The following PHEX variants were observed in gnomAD, a reference collection of about 807,000 sequenced individuals.
PHEX encodes phosphate-regulating neutral endopeptidase PHEX.
In PHEX, 16 loss-of-function variants were observed where a neutral mutation model predicts 68.0. The ratio of observed to expected loss-of-function variants is 0.24; its 90% CI spans 0.16 to 0.36. PHEX has a LOEUF of 0.36. PHEX is among the 10% of genes least tolerant of loss of function. PHEX has a pLI of 1.00. For synonymous variants in PHEX, 208 were observed against 205.1 expected (o/e 1.01, Z -0.12); for missense variants, 480 against 575.5 (o/e 0.83, Z 1.70).
intron 15 of PHEX, among the ~76,000 whole-genome samples, chrX:22,196,278 G>A (rs953270982): frequency 5.3e-5 from 6 of 112,485 alleles, no homozygotes; most frequent in South Asian, 3.7e-4. Flanking sequence ...TTGGAACAGC[G>A]TATAGTATGC....
chrX:22,084,635 G>A (rs1229834682), intron 5 of PHEX, among the ~76,000 whole-genome samples: 1 of 107,322 alleles, frequency 9.3e-6, no homozygotes, highest in Non-Finnish European at 1.9e-5. Flanking sequence ...CAAGTCCTGG[G>A]CTTTTCTTTG....
At position 22,245,328 on chromosome X, in the gene PHEX, T is replaced by C; in HGVS notation, c.2071-5T>C. On this transcript the variant is annotated splice_region_variant and splice_polypyrimidine_tract_variant and intron_variant, in intron 20 of 21. Transcript: ENST00000379374. ...CTCATTTGTTGGGATGCTTTTCTCT[T>C]CTAGGTGAGGTGCAATTCCTACAGA... is the stretch of plus-strand genomic sequence containing the variant. 8.3e-7 allele frequency: 1 copy of C among 1,198,413 alleles called. No individual in the cohort carries two copies.
intron 11 of PHEX, among the ~76,000 whole-genome samples, chrX:22,128,359 G>T (rs1009434022): frequency 3.6e-5 from 4 of 110,645 alleles, no homozygotes; most frequent in African/African-American, 1.3e-4. Flanking sequence ...CACTGCACCC[G>T]CCCTGAAAAC....
At chrX:22,180,289 T>A (rs1379611740) in intron 14 of PHEX, among the ~76,000 whole-genome samples, 1 of 111,118 alleles carries the variant, frequency 9.0e-6, no homozygotes, top group Admixed American at 9.6e-5. Context: ...CAGTTCTCAG[T>A]CCACCTTCAA....
At chrX:22,210,753 G>A (rs925726977) in intron 15 of PHEX, among the ~76,000 whole-genome samples, 1 of 111,264 alleles carries the variant, frequency 9.0e-6, no homozygotes, top group South Asian at 3.8e-4. Flanking sequence ...ATGTGAAACT[G>A]ACAGAGAACT....
intron 1 of PHEX, among the ~76,000 whole-genome samples, chrX:22,035,798 C>T (rs1035305930): frequency 2.7e-5 from 3 of 110,124 alleles, no homozygotes; most frequent in Non-Finnish European, 5.7e-5. Flanking sequence ...TTTTTTAAAG[C>T]TCCTAACCAT....
chrX:22,180,754 C>A (rs1251683921), intron 14 of PHEX, among the ~76,000 whole-genome samples: 1 of 110,443 alleles, frequency 9.1e-6, no homozygotes, highest in East Asian at 2.8e-4. Flanking sequence ...TACCCATTAA[C>A]CATCCCCTCG....
At chrX:22,050,415 C>CA (rs1348082036) in intron 3 of PHEX, among the ~76,000 whole-genome samples, 10 of 109,201 alleles carry the variant, frequency 9.2e-5, no homozygotes, top group South Asian at 3.9e-4. Flanking sequence ...TCGTCTCTAC[C>CA]AAAAATACAA....
intron 17 of PHEX, among the ~76,000 whole-genome samples, chrX:22,219,939 A>ATACTT (rs1027554457): frequency 8.9e-6 from 1 of 112,138 alleles, no homozygotes; most frequent in Non-Finnish European, 1.9e-5. Flanking sequence ...TTTAAAGTCT[A>ATACTT]TACTTTCCTG....
At chrX:22,135,740 C>T (rs1932199882) in intron 12 of PHEX, among the ~76,000 whole-genome samples, 1 of 111,674 alleles carries the variant, frequency 9.0e-6, no homozygotes, top group Non-Finnish European at 1.9e-5. Context: ...GTTTGCCTCC[C>T]GAGTTGCTCT....
intron 12 of PHEX, among the ~76,000 whole-genome samples, chrX:22,142,240 A>C (rs1397234571): frequency 8.9e-6 from 1 of 112,162 alleles, no homozygotes; most frequent in African/African-American, 3.2e-5. Context: ...CGACAGAGTG[A>C]GATTCTATCT....
intron 5 of PHEX, among the ~76,000 whole-genome samples, chrX:22,087,232 A>C (rs922693122): frequency 5.3e-5 from 6 of 112,368 alleles, no homozygotes; most frequent in Admixed American, 1.9e-4. Context: ...CAAGCTCAAA[A>C]GATTCTTCAA....
At chrX:22,226,710 G>C (rs1365514339) in intron 19 of PHEX, among the ~76,000 whole-genome samples, 1 of 111,477 alleles carries the variant, frequency 9.0e-6, no homozygotes, top group Admixed American at 9.6e-5. Context: ...GGGGTGTGAA[G>C]TCACCCTAAA....
intron 9 of PHEX, among the ~76,000 whole-genome samples, chrX:22,107,929 T>C (rs1426338446): frequency 8.9e-6 from 1 of 112,060 alleles, no homozygotes; most frequent in Admixed American, 9.5e-5. Flanking sequence ...GTACTGACAG[T>C]GTGTCCCTTC....
At chrX:22,040,083 C>T (rs1036368334) in intron 2 of PHEX, among the ~76,000 whole-genome samples, 2 of 111,679 alleles carry the variant, frequency 1.8e-5, no homozygotes, top group African/African-American at 6.5e-5. Context: ...GATTTCCCTC[C>T]TAAATCAGTG....
At position 22,101,632 on chromosome X, in the gene PHEX, A is replaced by C. The variant is rs376150333; in HGVS notation, c.1079+2481A>C. Among the ~76,000 whole-genome samples, 70 of 111,326 alleles carry C rather than the reference A, an allele frequency of 6.3e-4. No homozygotes were observed. The East Asian group carries it at 0.018, about 28-fold the overall frequency. On this transcript the variant is annotated intron_variant, in intron 9 of 21. Transcript: ENST00000379374. ...CCCTTGGATGTTTGGCATCCTCTCTATTCAGCTGGAGGATGGAGAAACAGA... is the reference window on the plus strand; with the variant it reads ...CCCTTGGATGTTTGGCATCCTCTCTCTTCAGCTGGAGGATGGAGAAACAGA...
intron 15 of PHEX, among the ~76,000 whole-genome samples, chrX:22,205,639 AAATT>A (rs10544895): frequency 0.12 from 12,506 of 107,320 alleles, 779 homozygotes; most frequent in African/African-American, 0.23. Context: ...TCAATATTAA[AAATT>A]AATATTAAAT....
intron 16 of PHEX, among the ~76,000 whole-genome samples, chrX:22,217,627 C>T (rs913590110): frequency 1.8e-5 from 2 of 111,963 alleles, no homozygotes; most frequent in African/African-American, 6.5e-5. Context: ...AGAATCTTCA[C>T]AATAAGGATT....
At chrX:22,142,059 T>C (rs1038570274) in intron 12 of PHEX, among the ~76,000 whole-genome samples, 3 of 111,699 alleles carry the variant, frequency 2.7e-5, no homozygotes, top group Non-Finnish European at 5.6e-5. Flanking sequence ...GAGACCAGCC[T>C]GGCCAACATG....
Sources: gnomAD v4.1 joint callset for allele counts (sites outside exome capture counted in the v4.1 genomes callset) on GRCh38, gnomAD v4.1.1 for gene constraint, MANE v1.5 for transcripts, NCBI Gene and HGNC (gene_info 2026-07-23, HGNC 2026-07-21) for gene names.